Variants in SUPT3H observed in about 807,000 individuals in gnomAD.
SUPT3H encodes the protein transcription initiation protein SPT3 homolog.
SUPT3H carries 44 observed loss-of-function variants against 44.3 expected under a neutral mutation model. That is an observed-to-expected ratio of 0.99 (90% confidence interval 0.78 to 1.28). SUPT3H has a LOEUF of 1.28. SUPT3H is among the 50% of genes most tolerant of loss of function. The probability of loss-of-function intolerance (pLI) is 0.00; values close to 1 mark genes in which losing one functional copy is unlikely to be tolerated. For synonymous variants in SUPT3H, 124 were observed against 125.6 expected, an observed-to-expected ratio of 0.99 and a Z score of 0.09; for missense variants, 380 against 387.1, an observed-to-expected ratio of 0.98 and a Z score of 0.15.
intron 2 of SUPT3H, among the ~76,000 whole-genome samples, chr6:45,362,205 C>G (rs754705685): frequency 2.0e-5 from 3 of 152,190 alleles, no homozygotes; most frequent in Non-Finnish European, 4.4e-5. Context: ...CAGATCATGA[C>G]TATTTCATTT....
chr6:45,214,015 CAA>C (rs11418358), intron 2 of SUPT3H, among the ~76,000 whole-genome samples: 10 of 74,118 alleles, frequency 1.3e-4, no homozygotes, highest in African/African-American at 5.3e-4. Flanking sequence ...TTTTGAAATG[CAA>C]AAAAAAAAAA....
chr6:44,922,139 C>T lies in SUPT3H; in HGVS notation c.912+10514G>A, dbSNP rs79517983. Among the ~76,000 whole-genome samples the T allele has an allele frequency of 8.0e-3, 1,169 of 146,124 alleles. 22 individuals are homozygous for T. Among genetic ancestry groups the T allele is most frequent in the African/African-American group, 0.027 (1,102 of 41,244 alleles). On this transcript the variant is annotated intron_variant, in intron 10 of 10. Coordinates refer to ENST00000371459, the MANE Select transcript of SUPT3H (RefSeq NM_003599.4). ...ATTTTCTCTTCTCGCATCCTAGAGTCATGCAGAGGCAGTATGTGGGGATGG... is the reference window on the plus strand; with the variant it reads ...ATTTTCTCTTCTCGCATCCTAGAGTTATGCAGAGGCAGTATGTGGGGATGG...
chr6:45,068,220 A>AT (rs1165251078), intron 3 of SUPT3H, among the ~76,000 whole-genome samples: 164 of 148,882 alleles, frequency 1.1e-3, no homozygotes, highest in African/African-American at 3.9e-3. Flanking sequence ...AGAACAAAAA[A>AT]CCAAACACGG....
At chr6:45,052,938 G>A (rs1790528272) in intron 3 of SUPT3H, among the ~76,000 whole-genome samples, 1 of 152,040 alleles carries the variant, frequency 6.6e-6, no homozygotes, top group African/African-American at 2.4e-5. Flanking sequence ...TGAATAGAGT[G>A]AGAGAGGAAA....
At chr6:45,096,356 A>G (rs1797778971) in intron 3 of SUPT3H, among the ~76,000 whole-genome samples, 1 of 152,140 alleles carries the variant, frequency 6.6e-6, no homozygotes, top group Admixed American at 6.5e-5. Flanking sequence ...GAAATAGTAA[A>G]ATCGAAAGCT....
intron 2 of SUPT3H, among the ~76,000 whole-genome samples, chr6:45,199,631 A>C (rs1762157863): frequency 6.6e-6 from 1 of 151,398 alleles, no homozygotes; most frequent in Non-Finnish European, 1.5e-5. Context: ...CAATAGTCAG[A>C]TGATAATTCT....
At chr6:44,886,132 G>A (rs1488484920) in intron 10 of SUPT3H, among the ~76,000 whole-genome samples, 8 of 152,174 alleles carry the variant, frequency 5.3e-5, no homozygotes, top group East Asian at 1.9e-4. Flanking sequence ...GACCAAATCT[G>A]AGTCTGATTG....
At chr6:44,884,143 G>C (rs931137675) in intron 10 of SUPT3H, among the ~76,000 whole-genome samples, 12 of 151,938 alleles carry the variant, frequency 7.9e-5, no homozygotes, top group African/African-American at 2.7e-4. Context: ...GAATCTACAA[G>C]GAACTTAAAC....
chr6:45,117,290 T>C (rs759712060), intron 2 of SUPT3H, among the ~76,000 whole-genome samples: 1 of 152,104 alleles, frequency 6.6e-6, no homozygotes, highest in Non-Finnish European at 1.5e-5. Context: ...TCAAGCTGTC[T>C]TTGTCTGAAA....
In SUPT3H at chr6:45,296,437, G is replaced by A. The variant is rs189012656; in HGVS notation, c.101+68764C>T. 4.3e-3 allele frequency among the ~76,000 whole-genome samples: 648 copies of A among 151,962 alleles called. 4 individuals carry two copies. Among genetic ancestry groups the A allele is most frequent in the African/African-American group, 0.015 (608 of 41,460 alleles). On this transcript the variant is annotated intron_variant, in intron 2 of 10. Transcript: ENST00000371459. ...GGGGAAAGGGTGGGAAGGGGGTTAG[G>A]GATAAAAGACTACGAACAGTGCCAG...
intron 2 of SUPT3H, among the ~76,000 whole-genome samples, chr6:45,217,656 C>T (rs1765309051): frequency 6.6e-6 from 1 of 152,026 alleles, no homozygotes; most frequent in South Asian, 2.1e-4. Flanking sequence ...TTTGGGAGGC[C>T]AAGGCAGGTG....
chr6:45,111,103 G>A (rs952269813), intron 2 of SUPT3H, among the ~76,000 whole-genome samples: 2 of 148,876 alleles, frequency 1.3e-5, no homozygotes, highest in African/African-American at 2.5e-5. Context: ...CGCGACCTTC[G>A]CTCACTGCAA....
chr6:45,088,933 A>C (rs1025182776), intron 3 of SUPT3H, among the ~76,000 whole-genome samples: 16 of 152,088 alleles, frequency 1.1e-4, no homozygotes, highest in Non-Finnish European at 2.1e-4. Flanking sequence ...GCTAAAACAA[A>C]ATAATATATA....
At chr6:44,939,148 T>C (rs762560950) in intron 9 of SUPT3H, among the ~76,000 whole-genome samples, 1 of 152,184 alleles carries the variant, frequency 6.6e-6, no homozygotes, top group Non-Finnish European at 1.5e-5. Flanking sequence ...CTTGTTACAG[T>C]TCTTTGAGGG....
chr6:45,016,594 T>G (rs1784322384), intron 4 of SUPT3H, among the ~76,000 whole-genome samples: 1 of 148,940 alleles, frequency 6.7e-6, no homozygotes, highest in South Asian at 2.1e-4. Context: ...ACATGCAGTG[T>G]TTGGTTTTTT....
intron 10 of SUPT3H, among the ~76,000 whole-genome samples, chr6:44,884,478 A>G (rs530481433): frequency 6.6e-6 from 1 of 152,278 alleles, no homozygotes; most frequent in Non-Finnish European, 1.5e-5. Context: ...CAGAAATACC[A>G]TTTGCTCCAG....
chr6:45,299,407 TATAAG>T (rs1237029562), intron 2 of SUPT3H, among the ~76,000 whole-genome samples: 2 of 151,192 alleles, frequency 1.3e-5, no homozygotes, highest in African/African-American at 2.4e-5. Context: ...AAAGCAGTAA[TATAAG>T]ATATGTGTCC....
At chr6:45,184,116 G>C (rs1048162146) in intron 2 of SUPT3H, among the ~76,000 whole-genome samples, 3 of 152,040 alleles carry the variant, frequency 2.0e-5, no homozygotes, top group African/African-American at 7.2e-5. Flanking sequence ...GGGAAGGAGA[G>C]AGTACATGGA....
At chr6:44,913,158 C>T (rs1308552168) in intron 10 of SUPT3H, among the ~76,000 whole-genome samples, 1 of 152,150 alleles carries the variant, frequency 6.6e-6, no homozygotes, top group Non-Finnish European at 1.5e-5. Flanking sequence ...TCCCAAGGCT[C>T]ATCTCTATCT....
Sources: gnomAD v4.1 joint callset for allele counts (sites outside exome capture counted in the v4.1 genomes callset) on GRCh38, gnomAD v4.1.1 for gene constraint, MANE v1.5 for transcripts, NCBI Gene and HGNC (gene_info 2026-07-23, HGNC 2026-07-21) for gene names.